Variants in GC observed in about 807,000 individuals in gnomAD.
GC encodes the protein vitamin D-binding protein.
In GC, 43 loss-of-function variants were observed where a neutral mutation model predicts 56.7. That is an observed-to-expected ratio of 0.76 (90% CI 0.59 to 0.98). The LOEUF is 0.98. Among genes scored for constraint, GC ranks in the 50% least tolerant of loss-of-function variants. GC has a pLI of 0.00. For synonymous variants in GC, 216 were observed against 202.7 expected (o/e 1.07, Z -0.56); for missense variants, 529 against 545.9 (o/e 0.97, Z 0.31).
intron 8 of GC, among the ~76,000 whole-genome samples, chr4:71,755,896 A>G (rs222036): frequency 0.99 from 150,257 of 152,318 alleles, 74,142 homozygotes; most frequent in Middle Eastern, 1. Flanking sequence ...TGTAACTTCT[A>G]CCATCTGATA....
intron 1 of GC, among the ~76,000 whole-genome samples, chr4:71,794,005 C>A (rs528790638): frequency 6.6e-6 from 1 of 152,260 alleles, no homozygotes; most frequent in African/African-American, 2.4e-5. Flanking sequence ...AGGGATGAAG[C>A]CAGCTTGATC....
intron 11 of GC, among the ~76,000 whole-genome samples, chr4:71,748,337 G>C (rs772374144): frequency 6.6e-6 from 1 of 152,048 alleles, no homozygotes; most frequent in African/African-American, 2.4e-5. Context: ...GACAGGTGGT[G>C]GGGGGTAGAC....
At chr4:71,742,686 A>G (rs1160036802) in intron 12 of GC, among the ~76,000 whole-genome samples, 2 of 152,226 alleles carry the variant, frequency 1.3e-5, no homozygotes, top group Non-Finnish European at 2.9e-5. Flanking sequence ...ATTAAGAGAC[A>G]GAGATTTGCT....
chr4:71,773,849 T>C (rs944684417), intron 1 of GC, among the ~76,000 whole-genome samples: 1 of 152,062 alleles, frequency 6.6e-6, no homozygotes, highest in East Asian at 1.9e-4. Flanking sequence ...GGCATTTTTA[T>C]TTCTATTCTG....
rs765832647 is a variant in GC, at chr4:71,763,361, A to C, written c.701+47T>G. On this transcript the variant is annotated intron_variant, in intron 6 of 12. Transcript: ENST00000273951. Reference sequence around the variant, plus strand: ...AAAAACCCTAATATTATGGATAGACAGTGCAGAACCAAACATCTAAATATG... The same window carrying C: ...AAAAACCCTAATATTATGGATAGACCGTGCAGAACCAAACATCTAAATATG... The C allele has an allele frequency of 4.3e-6, 4 of 937,424 alleles. No homozygotes were observed. In the African/African-American group the frequency reaches 6.6e-5, roughly 15 times the overall value. The allele number at this position is 937,424 out of a possible 1,614,324, so 58.1% of individuals were successfully genotyped here. A position where few individuals can be genotyped will look rare whatever the true frequency, so the allele number is the denominator to read the frequency against.
Position 71,754,500 on chromosome 4 carries a change from T to C in GC, c.1173A>G (p.Leu391=). The change falls in exon 10 of 13, where the codon CTA becomes CTG. Residue 391 remains leucine (L), a synonymous_variant. Transcript: ENST00000273951. ...STTCFNAKGP[L]LKKELSSFID... is the part of the protein sequence containing the mutation. ...TGAAAGAAGATAGTTCCTTCTTTAG[T>C]AGAGGGCCCTGTAAGAAAACAATAA... 3 of 1,518,500 alleles carry C rather than the reference T, an allele frequency of 2.0e-6. No individual in the cohort carries two copies. Among genetic ancestry groups the C allele is most frequent in the Non-Finnish European group, 2.7e-6 (3 of 1,095,384 alleles). 94.1% of individuals were successfully genotyped at this position (1,518,500 alleles called of 1,614,324 possible). A position where few individuals can be genotyped will look rare whatever the true frequency, so the allele number is the denominator to read the frequency against.
chr4:71,754,952 T>C, intron 9 of GC, 26 bp downstream of exon 9: 2 of 1,519,366 alleles, frequency 1.3e-6, no homozygotes, highest in Non-Finnish European at 1.8e-6. Flanking sequence ...TCTATGTGCT[T>C]GATAAAGAAA....
chr4:71,748,711 T>C (rs146226343), intron 11 of GC, among the ~76,000 whole-genome samples: 1 of 152,208 alleles, frequency 6.6e-6, no homozygotes, highest in East Asian at 1.9e-4. Flanking sequence ...GAAAATGACA[T>C]TGATTGTTCT....
chr4:71,766,706 A>T (rs1742170030), intron 3 of GC, among the ~76,000 whole-genome samples: 1 of 152,284 alleles, frequency 6.6e-6, no homozygotes, highest in South Asian at 2.1e-4. Context: ...TCCTTTCATC[A>T]GATTCGGAGA....
intron 1 of GC, among the ~76,000 whole-genome samples, chr4:71,779,463 A>G (rs1031349948): frequency 6.6e-6 from 1 of 151,810 alleles, no homozygotes; most frequent in Non-Finnish European, 1.5e-5. Context: ...TGTTCTAGGA[A>G]TAGAGAAGAA....
upstream of GC, chr4:71,786,032 TTC>T (rs1322121747): frequency 6.6e-6 from 1 of 151,854 alleles, no homozygotes; most frequent in Admixed American, 6.6e-5. Context: ...GACCAGCTCA[TTC>T]TTTCATTTTT....
chr4:71,741,728 A>G lies in GC; in HGVS notation c.*168T>C, dbSNP rs1485143630. 5 of 672,822 alleles carry G rather than the reference A, an allele frequency of 7.4e-6. No homozygotes were observed. Among genetic ancestry groups the G allele is most frequent in the Non-Finnish European group, 2.7e-6 (1 of 373,264 alleles). 41.7% of individuals were successfully genotyped at this position (672,822 alleles called of 1,614,324 possible). ...GCATTATATTTCAATTTATTTTGATAGCAAATCATCATACTTGTCATTGTA... is the reference window on the plus strand; with the variant it reads ...GCATTATATTTCAATTTATTTTGATGGCAAATCATCATACTTGTCATTGTA... On this transcript the variant is annotated 3_prime_UTR_variant, in exon 13 of 13. Transcript: ENST00000273951.
At chr4:71,767,206 C>T (rs1465862830) in intron 3 of GC, among the ~76,000 whole-genome samples, 1 of 152,060 alleles carries the variant, frequency 6.6e-6, no homozygotes, top group Non-Finnish European at 1.5e-5. Flanking sequence ...CTAATCAGAT[C>T]TTTGGAGCAT....
intron 1 of GC, among the ~76,000 whole-genome samples, chr4:71,799,176 A>G (rs1406729573): frequency 2.0e-5 from 3 of 152,228 alleles, no homozygotes; most frequent in Non-Finnish European, 4.4e-5. Flanking sequence ...CTAGGGGCAT[A>G]TAGCAAATGA....
upstream of GC, among the ~76,000 whole-genome samples, chr4:71,788,996 C>G (rs558897046): frequency 6.6e-6 from 1 of 151,878 alleles, no homozygotes; most frequent in African/African-American, 2.4e-5. Flanking sequence ...TTTTAATGAA[C>G]TATTTTCCAA....
intron 12 of GC, among the ~76,000 whole-genome samples, chr4:71,745,267 A>G (rs753755416): frequency 2.6e-5 from 4 of 152,190 alleles, no homozygotes; most frequent in Non-Finnish European, 4.4e-5. Context: ...GGTGATTTCA[A>G]ATATAAGTTT....
intron 3 of GC, among the ~76,000 whole-genome samples, chr4:71,767,753 T>A (rs1195469772): frequency 6.6e-6 from 1 of 151,838 alleles, no homozygotes; most frequent in Non-Finnish European, 1.5e-5. Context: ...GATTTTGGTG[T>A]ACCTATCACC....
intron 12 of GC, among the ~76,000 whole-genome samples, chr4:71,742,601 A>G (rs1741218645): frequency 6.6e-6 from 1 of 152,176 alleles, no homozygotes; most frequent in Non-Finnish European, 1.5e-5. Context: ...CAATTCATTT[A>G]TGTTTTTGGC....
At chr4:71,774,351 T>A (rs536106334) in intron 1 of GC, among the ~76,000 whole-genome samples, 89 of 152,174 alleles carry the variant, frequency 5.8e-4, no homozygotes, top group Non-Finnish European at 1.2e-3. Context: ...CAAACTAATG[T>A]CCTTGGGTTC....
Sources: allele counts gnomAD v4.1 joint callset (sites outside exome capture counted in the v4.1 genomes callset), GRCh38; gene constraint gnomAD v4.1.1; transcripts MANE v1.5; gene names NCBI Gene and HGNC (gene_info 2026-07-23, HGNC 2026-07-21).